The following SHISA9 variants were observed in gnomAD, a reference collection of about 807,000 sequenced individuals.
SHISA9 encodes the protein shisa family member 9.
Under a neutral mutation model 38.0 loss-of-function variants are expected in SHISA9, and 13 were observed. That is an observed-to-expected ratio of 0.34 (90% CI 0.22 to 0.54). The LOEUF (loss-of-function observed/expected upper bound fraction) is 0.54. Ranked by LOEUF, SHISA9 falls within the 20% of genes least tolerant of loss-of-function variation. The pLI is 0.91. For synonymous variants in SHISA9, 275 were observed against 242.0 expected (o/e 1.14, Z -1.27); for missense variants, 538 against 575.8 (o/e 0.93, Z 0.67).
chr16:13,400,271 A>G, the SHISA9 span, among the ~76,000 whole-genome samples: 7,778 of 152,158 alleles, frequency 0.051, 313 homozygotes, highest in East Asian at 0.19. Flanking sequence ...TGACCCAGAA[A>G]ATGAAGGCCC....
At chr16:12,929,400 C>G (rs1426840910) in intron 2 of SHISA9, among the ~76,000 whole-genome samples, 2 of 152,104 alleles carry the variant, frequency 1.3e-5, no homozygotes, top group Non-Finnish European at 2.9e-5. Flanking sequence ...AAATGCCCAT[C>G]AATGATAGAC....
intron 2 of SHISA9, among the ~76,000 whole-genome samples, chr16:13,098,667 G>A (rs1340690351): frequency 3.3e-5 from 5 of 152,212 alleles, no homozygotes; most frequent in African/African-American, 7.2e-5. Flanking sequence ...GAGGCAGGAT[G>A]TCCAAAGATT....
intron 2 of SHISA9, among the ~76,000 whole-genome samples, chr16:13,141,051 C>G (rs529847213): frequency 6.6e-6 from 1 of 152,150 alleles, no homozygotes; most frequent in East Asian, 1.9e-4. Context: ...AACAGTGAAG[C>G]CTTTCACCGA....
chr16:13,204,379 T>A (rs1176838032), intron 3 of SHISA9, among the ~76,000 whole-genome samples: 1 of 152,124 alleles, frequency 6.6e-6, no homozygotes, highest in African/African-American at 2.4e-5. Context: ...GGGGCACATG[T>A]GCGGTGAGGG....
intron 2 of SHISA9, among the ~76,000 whole-genome samples, chr16:12,947,077 A>T (rs1298650368): frequency 6.6e-6 from 1 of 152,134 alleles, no homozygotes; most frequent in Non-Finnish European, 1.5e-5. Flanking sequence ...GAGAAATAAG[A>T]GGGGTTCACT....
At chr16:13,018,815 G>A (rs1210865217) in intron 2 of SHISA9, among the ~76,000 whole-genome samples, 9 of 152,162 alleles carry the variant, frequency 5.9e-5, no homozygotes, top group Admixed American at 1.3e-4. Flanking sequence ...TCCTGATTCA[G>A]TTCAGGGGGT....
chr16:12,927,831 C>A (rs752112329), intron 2 of SHISA9, among the ~76,000 whole-genome samples: 4 of 152,104 alleles, frequency 2.6e-5, no homozygotes, highest in Non-Finnish European at 5.9e-5. Context: ...AACCACCCAG[C>A]CAGAAAAGTC....
chr16:13,071,465 A>G (rs545268367), intron 2 of SHISA9, among the ~76,000 whole-genome samples: 3 of 151,922 alleles, frequency 2.0e-5, no homozygotes, highest in South Asian at 4.2e-4. Context: ...TCTAGAGGTT[A>G]TACATGGGTT....
chr16:13,086,353 C>CAAAAAAAAAAAAAA (rs767516512), intron 2 of SHISA9, among the ~76,000 whole-genome samples: 2 of 50,960 alleles, frequency 3.9e-5, no homozygotes, highest in Non-Finnish European at 7.9e-5. Context: ...GATTCCATCT[C>CAAAAAAAAAAAAAA]AAAAAAAAAA....
At chr16:13,482,882 C>T in the SHISA9 span, among the ~76,000 whole-genome samples, 1 of 151,320 alleles carries the variant, frequency 6.6e-6, no homozygotes, top group South Asian at 2.1e-4. Context: ...CTAGATCTGT[C>T]TAACTCTACT....
intron 2 of SHISA9, among the ~76,000 whole-genome samples, chr16:13,122,347 G>C (rs1002943268): frequency 6.6e-6 from 1 of 152,092 alleles, no homozygotes; most frequent in African/African-American, 2.4e-5. Context: ...AATTGTTCCT[G>C]CCTCTGGCAA....
the SHISA9 span, among the ~76,000 whole-genome samples, chr16:13,252,967 C>G: frequency 6.6e-6 from 1 of 152,214 alleles, no homozygotes; most frequent in African/African-American, 2.4e-5. Flanking sequence ...ACCAACTCCT[C>G]TTCTCACTCC....
the SHISA9 span, among the ~76,000 whole-genome samples, chr16:13,361,132 T>C: frequency 2.6e-5 from 4 of 152,250 alleles, no homozygotes; most frequent in African/African-American, 7.2e-5. Flanking sequence ...CCCATACTCA[T>C]GGATGATTTA....
At chr16:13,506,196 G>C in the SHISA9 span, among the ~76,000 whole-genome samples, 1 of 152,176 alleles carries the variant, frequency 6.6e-6, no homozygotes, top group Admixed American at 6.5e-5. Context: ...GGGAAGATTT[G>C]TCAAGTTCTT....
chr16:12,914,820 C>T (rs911251298), intron 1 of SHISA9, among the ~76,000 whole-genome samples: 1 of 152,216 alleles, frequency 6.6e-6, no homozygotes, highest in Non-Finnish European at 1.5e-5. Context: ...TGAACTCCAC[C>T]CCTGTAGTTT....
chr16:13,013,094 C>T (rs1050316949), intron 2 of SHISA9, among the ~76,000 whole-genome samples: 3 of 152,204 alleles, frequency 2.0e-5, no homozygotes, highest in Non-Finnish European at 4.4e-5. Context: ...GAAGCAGGAC[C>T]TTTCCATGAT....
chr16:13,226,062 A>G (rs1454083855), intron 4 of SHISA9, among the ~76,000 whole-genome samples: 1 of 152,202 alleles, frequency 6.6e-6, no homozygotes, highest in East Asian at 1.9e-4. Context: ...TGGGGCTTAC[A>G]AGACTGTTCA....
the SHISA9 span, among the ~76,000 whole-genome samples, chr16:13,266,225 G>A: frequency 6.6e-6 from 1 of 152,110 alleles, no homozygotes; most frequent in East Asian, 1.9e-4. Context: ...GGATTTTAAT[G>A]GTTAGCTGTT....
chr16:13,172,052 C>G (rs1321498335), intron 2 of SHISA9, among the ~76,000 whole-genome samples: 4 of 152,122 alleles, frequency 2.6e-5, no homozygotes. Context: ...TTCTCTCCTT[C>G]CCTTCCTTTC....
Sources: allele counts gnomAD v4.1 joint callset (sites outside exome capture counted in the v4.1 genomes callset), GRCh38; gene constraint gnomAD v4.1.1; transcripts MANE v1.5; gene names NCBI Gene and HGNC (gene_info 2026-07-23, HGNC 2026-07-21).